ME3: variants seen among roughly 807,000 people sequenced by gnomAD.
ME3 encodes the protein NADP-dependent malic enzyme, mitochondrial.
In ME3, 48 loss-of-function variants were observed where a neutral mutation model predicts 68.9. The ratio of observed to expected loss-of-function variants is 0.70; its 90% confidence interval spans 0.55 to 0.89. The LOEUF is 0.89. Ranked by LOEUF, ME3 falls within the 40% of genes least tolerant of loss-of-function variation. The pLI, the probability that ME3 is intolerant of heterozygous loss-of-function variation, is 0.00. For synonymous variants in ME3, 320 were observed against 318.8 expected (o/e 1.00, Z -0.04); for missense variants, 675 against 797.4 (o/e 0.85, Z 1.85).
chr11:86,623,489 C>T (rs1429856360), intron 2 of ME3, among the ~76,000 whole-genome samples: 1 of 148,356 alleles, frequency 6.7e-6, no homozygotes, highest in African/African-American at 2.5e-5. Context: ...CTGTATATGT[C>T]CTGTTGGTTT....
At position 86,556,713 on chromosome 11, in the gene ME3, G is replaced by C; in HGVS notation, c.318-11C>G. 6.2e-7 allele frequency: 1 copy of C among 1,613,416 alleles called. No homozygotes were observed. Among genetic ancestry groups the C allele is most frequent in the Middle Eastern group, 1.7e-4 (1 of 6,060 alleles). On this transcript the variant is annotated splice_polypyrimidine_tract_variant and intron_variant, in intron 3 of 14. Coordinates refer to ENST00000543262, the Ensembl canonical transcript of ME3. ...ATGAGAATGATGTACCTTGTAAAAG[G>C]AGAGAAAAAGCAAGCTGACATGTGG...
intron 2 of ME3, among the ~76,000 whole-genome samples, chr11:86,561,087 T>C (rs1376461474): frequency 6.6e-6 from 1 of 152,070 alleles, no homozygotes; most frequent in East Asian, 1.9e-4. Context: ...TGGCCAAAAG[T>C]CATGCTTGTC....
intron 2 of ME3, among the ~76,000 whole-genome samples, chr11:86,620,790 T>G (rs1373745143): frequency 2.0e-5 from 3 of 152,178 alleles, no homozygotes; most frequent in Admixed American, 6.5e-5. Flanking sequence ...TCATACATCT[T>G]TTTTTGATCA....
At chr11:86,579,705 T>C (rs906846111) in intron 2 of ME3, among the ~76,000 whole-genome samples, 1 of 152,202 alleles carries the variant, frequency 6.6e-6, no homozygotes, top group African/African-American at 2.4e-5. Flanking sequence ...ATCCATTCTA[T>C]TCATTTTCCT....
chr11:86,588,295 G>A (rs1163451669), intron 2 of ME3, among the ~76,000 whole-genome samples: 1 of 152,176 alleles, frequency 6.6e-6, no homozygotes, highest in African/African-American at 2.4e-5. Context: ...CTGTTCTTAA[G>A]TTCTCTCAGT....
chr11:86,487,553 GA>G (rs373148370), intron 6 of ME3, 113 bp from the exon 7 acceptor site: 199 of 795,412 alleles, frequency 2.5e-4, no homozygotes, highest in Non-Finnish European at 3.0e-4. Flanking sequence ...GGAGAGGGGG[GA>G]GTAAGAAGGT....
At chr11:86,531,840 G>T in intron 4 of ME3, among the ~76,000 whole-genome samples, 1 of 126,200 alleles carries the variant, frequency 7.9e-6, no homozygotes, top group South Asian at 3.1e-4. Flanking sequence ...GTGGGGGGAG[G>T]GGGGAGGCAT....
rs138820591 is a variant in ME3, at chr11:86,640,205, C to T, written c.183+31557G>A. ...TTTTGGTGCTTAAGCCAAACTCCTG[C>T]AAGGCCATCTTCTGGTACATAGGAT... On this transcript the variant is annotated intron_variant, in intron 2 of 14. Coordinates refer to ENST00000543262, the Ensembl canonical transcript of ME3. Among the ~76,000 whole-genome samples, 99 of 152,316 alleles carry T rather than the reference C, an allele frequency of 6.5e-4. 1 individual carries two copies. The East Asian group carries it at 0.018, about 27-fold the overall frequency.
intron 2 of ME3, among the ~76,000 whole-genome samples, chr11:86,670,920 CAGATAAGTTAAATG>C (rs1946891284): frequency 6.6e-6 from 1 of 152,180 alleles, no homozygotes; most frequent in Non-Finnish European, 1.5e-5. Context: ...AGTTGGGCCT[CAGATAAGTTAAATG>C]AGATATGTGA....
chr11:86,576,493 G>A (rs1958123321), intron 2 of ME3, among the ~76,000 whole-genome samples: 1 of 152,194 alleles, frequency 6.6e-6, no homozygotes, highest in African/African-American at 2.4e-5. Context: ...AAATCTCAGA[G>A]TGGGGCTCAG....
chr11:86,605,601 G>A (rs1177024959), intron 2 of ME3, among the ~76,000 whole-genome samples: 1 of 152,136 alleles, frequency 6.6e-6, no homozygotes, highest in East Asian at 1.9e-4. Context: ...TTTTCTGTAT[G>A]AACAAGTATT....
At chr11:86,473,547 A>C (rs148931762) in intron 7 of ME3, among the ~76,000 whole-genome samples, 113 of 152,120 alleles carry the variant, frequency 7.4e-4, no homozygotes, top group Admixed American at 2.3e-3. Context: ...GGGAGATGAG[A>C]GATGACAGGG....
chr11:86,585,878 G>T (rs146066119), intron 2 of ME3, among the ~76,000 whole-genome samples: 2,190 of 152,220 alleles, frequency 0.014, 15 homozygotes, highest in Non-Finnish European at 0.023. Flanking sequence ...CCACAAGATG[G>T]GTTGTCACCA....
intron 2 of ME3, among the ~76,000 whole-genome samples, chr11:86,581,350 T>C (rs1412366506): frequency 2.6e-5 from 4 of 152,280 alleles, no homozygotes; most frequent in Admixed American, 2.6e-4. Context: ...GGATAATGAT[T>C]ATGAGTGATG....
At chr11:86,665,884 A>G (rs561316071) in intron 2 of ME3, among the ~76,000 whole-genome samples, 22 of 152,334 alleles carry the variant, frequency 1.4e-4, no homozygotes, top group African/African-American at 5.3e-4. Flanking sequence ...CTAGAGGAGA[A>G]GACTGAAGAC....
intron 2 of ME3, among the ~76,000 whole-genome samples, chr11:86,611,003 T>C (rs1942532086): frequency 6.6e-6 from 1 of 152,154 alleles, no homozygotes; most frequent in East Asian, 1.9e-4. Context: ...CAACCTGACT[T>C]CCTAGACAGC....
rs565656536 is a variant in ME3, at chr11:86,648,141, C to T, written c.183+23621G>A. Among the ~76,000 whole-genome samples, 113 of 152,290 alleles carry T rather than the reference C, an allele frequency of 7.4e-4. 1 individual carries two copies. The highest frequency in any genetic ancestry group is 2.5e-3 in the African/African-American group (103 of 41,564). Reference sequence around the variant, plus strand: ...GCAGAACTACATGGAAACTGAGCAACGTACTCCTGAATGACTACTGGGTAA... The same window carrying T: ...GCAGAACTACATGGAAACTGAGCAATGTACTCCTGAATGACTACTGGGTAA... On this transcript the variant is annotated intron_variant, in intron 2 of 14. Transcript: ENST00000543262.
At chr11:86,534,619 G>A (rs1955518750) in intron 4 of ME3, among the ~76,000 whole-genome samples, 1 of 152,104 alleles carries the variant, frequency 6.6e-6, no homozygotes, top group Non-Finnish European at 1.5e-5. Context: ...AGGTTGCAGT[G>A]AGCCGAGATC....
intron 5 of ME3, among the ~76,000 whole-genome samples, chr11:86,507,268 A>T (rs1358888854): frequency 6.6e-6 from 1 of 152,262 alleles, no homozygotes; most frequent in African/African-American, 2.4e-5. Flanking sequence ...TTGGCAGCAC[A>T]GACACAGTGT....
Sources: gnomAD v4.1 joint callset for allele counts (sites outside exome capture counted in the v4.1 genomes callset) on GRCh38, gnomAD v4.1.1 for gene constraint, MANE v1.5 for transcripts, NCBI Gene and HGNC (gene_info 2026-07-23, HGNC 2026-07-21) for gene names.